Variants in SNAPC1 observed in about 807,000 individuals in gnomAD.
SNAPC1 encodes the protein small nuclear RNA activating complex polypeptide 1, also known as snRNA-activating protein complex subunit 1.
In SNAPC1, 42 loss-of-function variants were observed where a neutral mutation model predicts 50.1. The ratio of observed to expected loss-of-function variants is 0.84; its 90% CI spans 0.65 to 1.08. The LOEUF is 1.08. SNAPC1 is among the 50% of genes least tolerant of loss of function. The pLI, the probability that SNAPC1 is intolerant of heterozygous loss-of-function variation, is 0.00. For missense variants in SNAPC1, 477 were observed against 427.3 expected (o/e 1.12, Z -1.02); for synonymous variants, 164 against 144.2 (o/e 1.14, Z -0.98).
rs913394578 is a variant in SNAPC1, at chr14:61,796,360, A to G, written c.*1377A>G. ...TTGGGTTGAAGATCAAATTCGTGATATCTCTATATCTAATCTTTAAAAATC... is the reference window on the plus strand; with the variant it reads ...TTGGGTTGAAGATCAAATTCGTGATGTCTCTATATCTAATCTTTAAAAATC... On this transcript the variant is annotated 3_prime_UTR_variant, in exon 10 of 10. Coordinates refer to ENST00000216294, the MANE Select transcript of SNAPC1 (RefSeq NM_003082.4). 1 of 152,156 alleles carries G rather than the reference A, an allele frequency of 6.6e-6. No homozygotes were observed. Among genetic ancestry groups the G allele is most frequent in the Non-Finnish European group, 1.5e-5 (1 of 68,028 alleles). The allele number at this position is 152,156 out of a possible 1,614,324, so 9.4% of individuals were successfully genotyped here. A position where few individuals can be genotyped will look rare whatever the true frequency, so the allele number is the denominator to read the frequency against.
In SNAPC1 at chr14:61,776,258, G is replaced by T; in HGVS notation, c.693+5G>T. 6.2e-7 allele frequency: 1 copy of T among 1,608,134 alleles called. No individual in the cohort carries two copies. Among genetic ancestry groups the T allele is most frequent in the Non-Finnish European group, 8.5e-7 (1 of 1,176,608 alleles). The stretch of plus-strand genomic sequence containing the variant: ...CAGTGGCACAAAGACAGAAAGGTAT[G>T]CAATCACTTGTTTGGTGCCTCACCA... On this transcript the variant is annotated splice_donor_5th_base_variant and intron_variant, in intron 5 of 9. Transcript: ENST00000216294.
intron 3 of SNAPC1, among the ~76,000 whole-genome samples, chr14:61,767,613 G>A (rs777029977): frequency 4.8e-5 from 7 of 146,030 alleles, no homozygotes; most frequent in Middle Eastern, 4.3e-3. Context: ...ACAGGCATGC[G>A]CCACCACACC....
chr14:61,775,455 C>T (rs2045028371), intron 4 of SNAPC1, among the ~76,000 whole-genome samples: 1 of 152,040 alleles, frequency 6.6e-6, no homozygotes, highest in Admixed American at 6.6e-5. Flanking sequence ...GGGGTTTCAC[C>T]ATGTTGGCCA....
rs144452069 is a variant in SNAPC1 at position 61,783,365 on chromosome 14, G to A, written c.976+968G>A. On this transcript the variant is annotated intron_variant, in intron 8 of 9. Transcript: ENST00000216294. ...TATTTTAGTAGTAATTTTTGTGTGC[G>A]AATCAAACTTATTTGTAGAATGAGA... Among the ~76,000 whole-genome samples, 862 of 151,640 alleles carry A rather than the reference G, an allele frequency of 5.7e-3. 3 individuals carry two copies. The highest frequency in any genetic ancestry group is 0.015 in the African/African-American group (632 of 41,350).
chr14:61,778,042 T>G, intron 5 of SNAPC1, 30 bp from the exon 6 acceptor site: 1 of 1,146,554 alleles, frequency 8.7e-7, no homozygotes, highest in Non-Finnish European at 1.3e-6. Flanking sequence ...TATGTGTGTA[T>G]GTGTGTATGT....
At chr14:61,769,627 G>A (rs2044973805) in intron 4 of SNAPC1, among the ~76,000 whole-genome samples, 1 of 152,002 alleles carries the variant, frequency 6.6e-6, no homozygotes, top group Admixed American at 6.6e-5. Flanking sequence ...TCGATCTCCT[G>A]ACCTGGTGAT....
intron 1 of SNAPC1, 43 bp downstream of exon 1, chr14:61,762,631 G>A (rs2044914545): frequency 1.2e-6 from 2 of 1,611,036 alleles, no homozygotes; most frequent in East Asian, 4.5e-5. Context: ...CTGCCCGCAG[G>A]TGGTGTAGAA....
intron 8 of SNAPC1, among the ~76,000 whole-genome samples, chr14:61,782,866 A>G (rs1012417913): frequency 2.6e-5 from 4 of 152,132 alleles, no homozygotes; most frequent in Non-Finnish European, 4.4e-5. Context: ...AGATCATGTC[A>G]CTTCACTCCA....
intron 8 of SNAPC1, among the ~76,000 whole-genome samples, chr14:61,787,370 A>C (rs1006191726): frequency 4.7e-5 from 7 of 149,710 alleles, no homozygotes; most frequent in African/African-American, 1.5e-4. Flanking sequence ...TATATTTCAA[A>C]AATTAACTTC....
chr14:61,781,002 G>A (rs1019978758), intron 7 of SNAPC1, among the ~76,000 whole-genome samples: 1 of 152,152 alleles, frequency 6.6e-6, no homozygotes, highest in Non-Finnish European at 1.5e-5. Flanking sequence ...ATCTAGAGAT[G>A]ATTGAAAGTA....
intron 6 of SNAPC1, among the ~76,000 whole-genome samples, chr14:61,778,620 G>C (rs2045051389): frequency 6.6e-6 from 1 of 152,186 alleles, no homozygotes; most frequent in Admixed American, 6.5e-5. Flanking sequence ...AATCCTGAAT[G>C]AAAATGATCT....
chr14:61,779,631 C>A (rs1373374731), intron 7 of SNAPC1, among the ~76,000 whole-genome samples: 1 of 150,582 alleles, frequency 6.6e-6, no homozygotes, highest in Non-Finnish European at 1.5e-5. Context: ...ATATTAACTA[C>A]AGTTTTTTTT....
chr14:61,781,146 T>C (rs1434215983), intron 7 of SNAPC1, among the ~76,000 whole-genome samples: 2 of 151,968 alleles, frequency 1.3e-5, no homozygotes, highest in African/African-American at 2.4e-5. Flanking sequence ...CAGCTATACG[T>C]GGTTGCTTTT....
chr14:61,783,749 A>G (rs903638679), intron 8 of SNAPC1, among the ~76,000 whole-genome samples: 1 of 152,026 alleles, frequency 6.6e-6, no homozygotes. Context: ...TATGTTGGCC[A>G]GGCTGGTCTT....
At chr14:61,783,752 C>A (rs1030654579) in intron 8 of SNAPC1, among the ~76,000 whole-genome samples, 28 of 151,976 alleles carry the variant, frequency 1.8e-4, no homozygotes, top group Admixed American at 1.2e-3. Context: ...GTTGGCCAGG[C>A]TGGTCTTGAA....
chr14:61,793,691 C>T (rs2045168803), intron 9 of SNAPC1, among the ~76,000 whole-genome samples: 1 of 114,718 alleles, frequency 8.7e-6, no homozygotes, highest in African/African-American at 3.4e-5. Flanking sequence ...GAGTCTTGCT[C>T]TGTCACCCAG....
chr14:61,794,517 T>C (rs932941348), intron 9 of SNAPC1, among the ~76,000 whole-genome samples: 3 of 152,184 alleles, frequency 2.0e-5, no homozygotes, highest in African/African-American at 7.2e-5. Context: ...GCAATTCTCC[T>C]GCTTCAGCCT....
chr14:61,795,258 T>C lies in SNAPC1; in HGVS notation c.*275T>C, dbSNP rs1272498768. 3 of 361,872 alleles carry C rather than the reference T, an allele frequency of 8.3e-6. No individual in the cohort carries two copies. Among genetic ancestry groups the C allele is most frequent in the Non-Finnish European group, 1.5e-5 (3 of 201,632 alleles). 22.4% of individuals were successfully genotyped at this position (361,872 alleles called of 1,614,324 possible). Reference sequence around the variant, plus strand: ...AATTCTGTTATTCGCAGATTGTTACTATTTCCTATAAGGTTTTGTGATACT... The same window carrying C: ...AATTCTGTTATTCGCAGATTGTTACCATTTCCTATAAGGTTTTGTGATACT... On this transcript the variant is annotated 3_prime_UTR_variant, in exon 10 of 10. Transcript: ENST00000216294.
intron 4 of SNAPC1, among the ~76,000 whole-genome samples, chr14:61,770,237 T>C (rs901685263): frequency 6.6e-6 from 1 of 150,542 alleles, no homozygotes; most frequent in Non-Finnish European, 1.5e-5. Context: ...CCATGTTCTT[T>C]TTTTTTTTTT....
Sources: gnomAD v4.1 joint callset for allele counts (sites outside exome capture counted in the v4.1 genomes callset) on GRCh38, gnomAD v4.1.1 for gene constraint, MANE v1.5 for transcripts, NCBI Gene and HGNC (gene_info 2026-07-23, HGNC 2026-07-21) for gene names.